RUVBL2: variants seen among roughly 807,000 people sequenced by gnomAD.
The protein encoded by RUVBL2 is ruvB-like 2.
A neutral mutation model predicts 57.9 loss-of-function variants in RUVBL2; 9 were observed. That is an observed-to-expected ratio of 0.16 (90% CI 0.09 to 0.27). RUVBL2 has a LOEUF of 0.27. RUVBL2 is among the 10% of genes least tolerant of loss of function. The pLI, the probability that RUVBL2 is intolerant of heterozygous loss-of-function variation, is 1.00. For missense variants in RUVBL2, 456 were observed against 669.6 expected, an observed-to-expected ratio of 0.68 and a Z score of 3.52; for synonymous variants, 278 against 264.6, an observed-to-expected ratio of 1.05 and a Z score of -0.49.
At chr19:49,015,300 G>A in intron 13 of RUVBL2, 150 bp downstream of exon 13, 1 of 1,095,328 alleles carries the variant, frequency 9.1e-7, no homozygotes, top group Non-Finnish European at 1.3e-6. Context: ...GTATCATCCA[G>A]CCTGGCCTAT....
intron 11 of RUVBL2, among the ~76,000 whole-genome samples, chr19:49,014,205 G>A (rs574599406): frequency 3.2e-4 from 49 of 152,368 alleles, no homozygotes; most frequent in African/African-American, 1.2e-3. Context: ...GAAGCTTTGT[G>A]TCGAGCACGG....
intron 1 of RUVBL2, among the ~76,000 whole-genome samples, chr19:48,998,462 T>C (rs1229657035): frequency 6.6e-6 from 1 of 151,084 alleles, no homozygotes; most frequent in Non-Finnish European, 1.5e-5. Flanking sequence ...TGGGAGGCCT[T>C]GGTGGGCAGA....
intron 4 of RUVBL2, among the ~76,000 whole-genome samples, chr19:49,006,518 T>C (rs1338980107): frequency 6.6e-6 from 1 of 152,180 alleles, no homozygotes; most frequent in Admixed American, 6.5e-5. Flanking sequence ...ATCATCCCCA[T>C]TAGACAGAGG....
chr19:49,004,142 CA>C lies in RUVBL2; in HGVS notation c.124-134del, dbSNP rs138180704. ...AAAAAAAAAAAAAAAAAAAAAAAAG[CA>C]GGGAAAGCTTTTTTGGCTTTTCCTA... On this transcript the variant is annotated intron_variant, in intron 3 of 14. Coordinates refer to ENST00000595090, the MANE Select transcript of RUVBL2 (RefSeq NM_006666.3). The C allele has an allele frequency of 3.8e-3, 2,277 of 595,054 alleles. 43 individuals are homozygous for C. In the African/African-American group the frequency reaches 0.048, roughly 13 times the overall value. 36.9% of individuals were successfully genotyped at this position (595,054 alleles called of 1,614,324 possible). A position where few individuals can be genotyped will look rare whatever the true frequency, so the allele number is the denominator to read the frequency against.
At chr19:48,999,027 A>C (rs2039122756) in intron 1 of RUVBL2, among the ~76,000 whole-genome samples, 4 of 142,560 alleles carry the variant, frequency 2.8e-5, no homozygotes, top group African/African-American at 7.7e-5. Flanking sequence ...ACTTCATCTC[A>C]AAAAAAAAAA....
rs760317774 is a variant in RUVBL2, at chr19:49,014,572, G to A, written c.1090G>A (p.Glu364Lys). ...LLIVSTTPYS[E>K]KDTKQILRIR... ...TATCGTCTCCACCACCCCCTACAGC[G>A]AGAAAGACACGAAGCAGATCCTCCG... The change falls in exon 12 of 15, where the codon GAG (glutamate) becomes AAG (lysine). Residue 364 changes from glutamate to lysine, a missense_variant. Physicochemically the swap from Glu to Lys is moderately conservative, Grantham distance 56 (BLOSUM62 1). Around this residue, in one of 5 missense-constraint regions of RUVBL2, gnomAD observed 130 missense variants for 243.0 expected, o/e 0.53. Coordinates refer to ENST00000595090, the MANE Select transcript of RUVBL2 (RefSeq NM_006666.3). The A allele has an allele frequency of 3.1e-6, 5 of 1,614,126 alleles. No individual in the cohort carries two copies. Among genetic ancestry groups the A allele is most frequent in the East Asian group, 2.2e-5 (1 of 44,890 alleles).
chr19:49,001,321 C>T (rs1348028479), intron 2 of RUVBL2: 1 of 151,466 alleles, frequency 6.6e-6, no homozygotes, highest in Non-Finnish European at 1.5e-5. Flanking sequence ...GCCACCATGC[C>T]CGGCTAATTT....
intron 2 of RUVBL2, chr19:49,001,548 C>T (rs1242302209): frequency 6.6e-6 from 1 of 150,462 alleles, no homozygotes; most frequent in Non-Finnish European, 1.5e-5. Flanking sequence ...AGACTAGCTG[C>T]ACCCAGGAGC....
At chr19:49,010,911 G>C in intron 9 of RUVBL2, 88 bp from the exon 10 acceptor site, 1 of 1,187,326 alleles carries the variant, frequency 8.4e-7, no homozygotes. Flanking sequence ...CTCCATCCCT[G>C]GCATCATCCT....
At chr19:49,015,253 C>T in intron 13 of RUVBL2, 103 bp downstream of exon 13, 2 of 1,474,368 alleles carry the variant, frequency 1.4e-6, no homozygotes, top group East Asian at 2.5e-5. Context: ...TGTACGTTTT[C>T]AGACGCAGGG....
chr19:49,010,631 G>A lies in RUVBL2; in HGVS notation c.787+20G>A, dbSNP rs1488424881. ...TCTCAGGTGAGGCCCCTCCTGCCCTGCCCTGCCCTGCCCTGCCCCAGGCCT... is the reference window on the plus strand; with the variant it reads ...TCTCAGGTGAGGCCCCTCCTGCCCTACCCTGCCCTGCCCTGCCCCAGGCCT... On this transcript the variant is annotated intron_variant, in intron 9 of 14. Transcript: ENST00000595090. 1.9e-6 allele frequency: 3 copies of A among 1,611,390 alleles called. No homozygotes were observed. The highest frequency in any genetic ancestry group is 2.7e-5 in the African/African-American group (2 of 74,850).
rs780895064 is a variant in RUVBL2, at chr19:49,015,074, G to A, written c.1175G>A (p.Arg392His). 66 of 1,608,950 alleles carry A rather than the reference G, an allele frequency of 4.1e-5. No homozygotes were observed. Among genetic ancestry groups the A allele is most frequent in the Middle Eastern group, 1.6e-4 (1 of 6,072 alleles). The change falls in exon 13 of 15, where the codon CGC becomes CAC. Residue 392 changes from arginine to histidine, a missense_variant. By Grantham distance (29) the Arg-to-His change is conservative (BLOSUM62 0). Around this residue, in one of 5 missense-constraint regions of RUVBL2, gnomAD observed 130 missense variants for 243.0 expected, o/e 0.53. Transcript: ENST00000595090. ...MSEDAYTVLT[R>H]IGLETSLRYA... ...GAGGACGCCTACACGGTGCTGACCC[G>A]CATCGGGCTGGAGACGTCACTGCGC... is the stretch of plus-strand genomic sequence containing the variant.
chr19:49,007,001 G>T lies in RUVBL2; in HGVS notation c.266-17G>T. ...GTGCCAGAGCGGCTTCACCTACACA[G>T]ACTGCCTCCTTCCCAGGCATGGCGC... is the stretch of plus-strand genomic sequence containing the variant. On this transcript the variant is annotated splice_polypyrimidine_tract_variant and intron_variant, in intron 4 of 14. Transcript: ENST00000595090. 6.2e-7 allele frequency: 1 copy of T among 1,611,986 alleles called. No individual in the cohort carries two copies. Among genetic ancestry groups the T allele is most frequent in the East Asian group, 2.2e-5 (1 of 44,866 alleles).
rs1424194054 is a variant in RUVBL2, at chr19:49,011,151, G to A, written c.883-41G>A. 7 of 1,609,928 alleles carry A rather than the reference G, an allele frequency of 4.3e-6. No homozygotes were observed. Among genetic ancestry groups the A allele is most frequent in the Admixed American group, 1.7e-5 (1 of 59,950 alleles). On this transcript the variant is annotated intron_variant, in intron 10 of 14. Coordinates refer to ENST00000595090, the MANE Select transcript of RUVBL2 (RefSeq NM_006666.3). The surrounding 1 kb of genome is among the most constrained non-coding windows in gnomAD (Gnocchi z 4.4). ...TGGGGTGGAGGTGGGCCGGGGAAGT[G>A]GGGACGCGGGTGGTGACTCTCACAC...
At chr19:49,013,680 C>T (rs2039480983) in intron 11 of RUVBL2, among the ~76,000 whole-genome samples, 4 of 152,052 alleles carry the variant, frequency 2.6e-5, no homozygotes, top group Admixed American at 6.6e-5. Context: ...TTTGGGAGGC[C>T]GAGGTGGGTG....
chr19:49,015,761 G>C (rs1320917866), intron 14 of RUVBL2, 56 bp from the exon 15 acceptor site: 5 of 1,613,184 alleles, frequency 3.1e-6, no homozygotes, highest in African/African-American at 1.3e-5. Context: ...GGCGTAGAAG[G>C]CTCAGGCCCT....
At chr19:49,012,492 G>A (rs1419849350) in intron 11 of RUVBL2, among the ~76,000 whole-genome samples, 1 of 152,178 alleles carries the variant, frequency 6.6e-6, no homozygotes, top group Non-Finnish European at 1.5e-5. Context: ...TCAGGGCCTG[G>A]GGACTGCCCA....
At chr19:49,014,426 A>G (rs1477856085) in intron 11 of RUVBL2, 58 bp from the exon 12 acceptor site, 1 of 1,577,788 alleles carries the variant, frequency 6.3e-7, no homozygotes. Flanking sequence ...TGTTCCCAGC[A>G]AAGGGAATGA....
At position 49,015,922 on chromosome 19, in the gene RUVBL2, C is replaced by T; in HGVS notation, c.*80C>T. 6.2e-7 allele frequency: 1 copy of T among 1,614,010 alleles called. No homozygotes were observed. The highest frequency in any genetic ancestry group is 8.5e-7 in the Non-Finnish European group (1 of 1,179,844). On this transcript the variant is annotated 3_prime_UTR_variant, in exon 15 of 15. Transcript: ENST00000595090. ...GACTCTGTATAAAATGGTTGGGAAG[C>T]TGCACCCACCCTGTGTATGTGTGGT... is the stretch of plus-strand genomic sequence containing the variant.
Sources: gnomAD v4.1 joint callset for allele counts (sites outside exome capture counted in the v4.1 genomes callset) on GRCh38, gnomAD v4.1.1 for gene constraint, gnomAD v4.1.1 regional missense constraint, Gnocchi (gnomAD v3.1) non-coding constraint, MANE v1.5 for transcripts, NCBI Gene and HGNC (gene_info 2026-07-23, HGNC 2026-07-21) for gene names.